Variants in DNMT3A observed in about 807,000 individuals in gnomAD.
DNMT3A encodes DNA methyltransferase 3 alpha.
In DNMT3A, 267 loss-of-function variants were observed where a neutral mutation model predicts 117.6. The ratio of observed to expected loss-of-function variants is 2.27; its 90% confidence interval spans 2.05 to 2.51. DNMT3A has a LOEUF of 2.51. DNMT3A is among the 30% of genes most tolerant of loss of function. The probability of loss-of-function intolerance (pLI) is 0.00; values close to 1 mark genes in which losing one functional copy is unlikely to be tolerated. For missense variants in DNMT3A, 1,029 were observed against 1,260.2 expected, an observed-to-expected ratio of 0.82 and a Z score of 2.78; for synonymous variants, 432 against 474.8, an observed-to-expected ratio of 0.91 and a Z score of 1.17.
rs1674072580 is a variant in DNMT3A, at chr2:25,241,709, TG to T, written c.1937-3del. 2 of 1,613,274 alleles carry T rather than the reference TG, an allele frequency of 1.2e-6. No individual in the cohort carries two copies. The highest frequency in any genetic ancestry group is 1.7e-6 in the Non-Finnish European group (2 of 1,179,766). ...CCAAGTCCTTCAGCACCAGGAGCCC[TG>T]CACCAGCCAGCAGACAGCACCGTTA... On this transcript the variant is annotated splice_polypyrimidine_tract_variant and splice_region_variant and intron_variant, in intron 16 of 22. Coordinates refer to ENST00000321117, the MANE Select transcript of DNMT3A (RefSeq NM_022552.5).
rs1204361758 is a variant in DNMT3A at position 25,275,102 on chromosome 2, C to T, written c.493-15G>A. ...CCCCGGGAGCCCTAGGACAGAGAGA[C>T]AGACATTAGGGCATTAGGGTGGGCA... On this transcript the variant is annotated splice_polypyrimidine_tract_variant and intron_variant, in intron 5 of 22. Transcript: ENST00000321117. 10 of 1,563,292 alleles carry T rather than the reference C, an allele frequency of 6.4e-6. No homozygotes were observed. The South Asian group carries it at 9.3e-5, about 15-fold the overall frequency.
intron 17 of DNMT3A, among the ~76,000 whole-genome samples, chr2:25,241,247 A>G (rs555164748): frequency 6.6e-6 from 1 of 152,350 alleles, no homozygotes; most frequent in East Asian, 1.9e-4. Context: ...CCCAGGGAGT[A>G]GCCAGAGCTC....
At chr2:25,309,979 C>A (rs1030598358) in intron 2 of DNMT3A, among the ~76,000 whole-genome samples, 3 of 152,142 alleles carry the variant, frequency 2.0e-5, no homozygotes, top group African/African-American at 7.2e-5. Flanking sequence ...TGGCGTGAAC[C>A]CGGGAGGCAG....
chr2:25,245,322 G>A lies in DNMT3A; in HGVS notation c.1485C>T (p.Ile495=), dbSNP rs1239086726. The change falls in exon 13 of 23, where the codon ATC becomes ATT. Residue 495 remains isoleucine, a synonymous_variant. Coordinates refer to ENST00000321117, the MANE Select transcript of DNMT3A (RefSeq NM_022552.5). ...QKCRNIEDIC[I]SCGSLNVTLE... ...GGGTAACATTGAGGCTCCCACAGGA[G>A]ATGCAGATGTCTGGAAAGCAGAGGG... 3.7e-6 allele frequency: 6 copies of A among 1,613,936 alleles called. No homozygotes were observed. The highest frequency in any genetic ancestry group is 3.3e-5 in the Admixed American group (2 of 60,022).
rs1673828416 is a variant in DNMT3A at position 25,240,310 on chromosome 2, A to G, written c.2314T>C (p.Phe772Leu). 6.2e-7 allele frequency: 1 copy of G among 1,614,164 alleles called. No individual in the cohort carries two copies. Residue 772 changes from phenylalanine to leucine, a missense_variant, in exon 19 of 23, where the codon TTT (phenylalanine) becomes CTT (leucine). Coordinates refer to ENST00000321117, the MANE Select transcript of DNMT3A (RefSeq NM_022552.5). ...GVSDKRDISR[F>L]LESNPVMIDA... ...AAGGTTGCTGGCTATACCTCGAGAA[A>G]TCGCGAGATGTCCCTCTTGTCACTA...
chr2:25,339,740 T>C lies in DNMT3A; in HGVS notation c.-178+2086A>G, dbSNP rs1040960517. On this transcript the variant is annotated intron_variant, in intron 1 of 22. Coordinates refer to ENST00000321117, the MANE Select transcript of DNMT3A (RefSeq NM_022552.5). The surrounding 1 kb of genome is among the most constrained non-coding windows in gnomAD (Gnocchi z 4.9). ...TCCAAAGGCAGGCAGCTCAGAAAAC[T>C]ACCTGGAGATGGCCCCTGCTAGCCA... Among the ~76,000 whole-genome samples, 4 of 152,160 alleles carry C rather than the reference T, an allele frequency of 2.6e-5. No homozygotes were observed. The highest frequency in any genetic ancestry group is 9.7e-5 in the African/African-American group (4 of 41,444).
chr2:25,318,686 CT>C (rs2149434750), intron 1 of DNMT3A, among the ~76,000 whole-genome samples: 1 of 149,498 alleles, frequency 6.7e-6, no homozygotes, highest in South Asian at 2.1e-4. Context: ...AAGACATTTT[CT>C]TTTTTCTTTT....
At chr2:25,317,760 A>G (rs1308966584) in intron 1 of DNMT3A, among the ~76,000 whole-genome samples, 4 of 152,134 alleles carry the variant, frequency 2.6e-5, no homozygotes, top group African/African-American at 9.7e-5. Flanking sequence ...TCTGAGATGG[A>G]GTTTCACTCC....
At chr2:25,340,390 C>T (rs1265864138) in intron 1 of DNMT3A, among the ~76,000 whole-genome samples, 2 of 152,122 alleles carry the variant, frequency 1.3e-5, no homozygotes, top group Non-Finnish European at 1.5e-5. Flanking sequence ...GAGGGTGCCC[C>T]CAAGAAGGGA....
chr2:25,314,377 C>T, intron 1 of DNMT3A: 1 of 985,336 alleles, frequency 1.0e-6, no homozygotes, highest in Non-Finnish European at 1.2e-6. Flanking sequence ...GCAGCAGTCT[C>T]CCCTCCGTGT....
At chr2:25,329,673 C>CCACACACACA (rs55905204) in intron 1 of DNMT3A, among the ~76,000 whole-genome samples, 1 of 138,392 alleles carries the variant, frequency 7.2e-6, no homozygotes, top group African/African-American at 3.1e-5. Flanking sequence ...CATGCAGACC[C>CCACACACACA]CACACACACA....
intron 12 of DNMT3A, 64 bp downstream of exon 12, chr2:25,245,956 G>A (rs967571230): frequency 1.9e-6 from 3 of 1,607,248 alleles, no homozygotes; most frequent in Non-Finnish European, 2.6e-6. Context: ...ACCTTCCTAA[G>A]TGCCTCTGCT....
rs770731520 is a variant in DNMT3A at position 25,275,547 on chromosome 2, T to C, written c.449-4A>G. 4.4e-6 allele frequency: 7 copies of C among 1,573,752 alleles called. No homozygotes were observed. The highest frequency in any genetic ancestry group is 6.0e-6 in the Non-Finnish European group (7 of 1,166,486). On this transcript the variant is annotated splice_polypyrimidine_tract_variant and splice_region_variant and intron_variant, in intron 4 of 22. Transcript: ENST00000321117. ...TTGGTCTCCTTCTGTTCTTTGCCTG[T>C]GGAGAGGGAAGAACAAAGGGACCAG...
Position 25,274,925 on chromosome 2 carries a change from C to A in DNMT3A, c.639+16G>T. The stretch of plus-strand genomic sequence containing the variant: ...TCTGCAGGACGGGCTGGGGCCCAGG[C>A]CAGAAGGCGCCTCACCTCCCTTTTC... On this transcript the variant is annotated intron_variant, in intron 6 of 22. Coordinates refer to ENST00000321117, the MANE Select transcript of DNMT3A (RefSeq NM_022552.5). 1 of 1,602,030 alleles carries A rather than the reference C, an allele frequency of 6.2e-7. No individual in the cohort carries two copies. Among genetic ancestry groups the A allele is most frequent in the Non-Finnish European group, 8.5e-7 (1 of 1,171,372 alleles).
At chr2:25,312,400 C>T (rs1229413551) in intron 2 of DNMT3A, among the ~76,000 whole-genome samples, 4 of 152,224 alleles carry the variant, frequency 2.6e-5, no homozygotes, top group Admixed American at 2.0e-4. Flanking sequence ...TGGGCCGCAG[C>T]GCATGCTGGC....
chr2:25,235,263 C>G (rs1046454184), intron 22 of DNMT3A, among the ~76,000 whole-genome samples: 2 of 151,996 alleles, frequency 1.3e-5, no homozygotes, highest in Admixed American at 1.3e-4. Flanking sequence ...CGGCTCACTG[C>G]AACCTCCACC....
At chr2:25,278,133 G>A (rs2031610470) in intron 4 of DNMT3A, among the ~76,000 whole-genome samples, 1 of 152,102 alleles carries the variant, frequency 6.6e-6, no homozygotes. Flanking sequence ...TACGGCCTAT[G>A]CAGCCCAACT....
intron 1 of DNMT3A, among the ~76,000 whole-genome samples, chr2:25,324,348 T>C (rs1009926413): frequency 3.3e-5 from 5 of 152,194 alleles, no homozygotes; most frequent in African/African-American, 1.2e-4. Context: ...CTCTCTAGGG[T>C]AGCACAGCTA....
At position 25,247,555 on chromosome 2, in the gene DNMT3A, C is replaced by A. The variant is rs754756909; in HGVS notation, c.1014+36G>T. 1.2e-6 allele frequency: 2 copies of A among 1,604,226 alleles called. No individual in the cohort carries two copies. The highest frequency in any genetic ancestry group is 1.7e-6 in the Non-Finnish European group (2 of 1,173,798). On this transcript the variant is annotated intron_variant, in intron 8 of 22. Coordinates refer to ENST00000321117, the MANE Select transcript of DNMT3A (RefSeq NM_022552.5). This position sits in a 1 kb window ranked among gnomAD's most constrained non-coding sequence, Gnocchi z 5.6. ...ACAGGCCCTGGGATCAAGAACCTTC[C>A]CCCACCCCAGGCTACTGCCAAACCC...
Sources: gnomAD v4.1 joint callset for allele counts (sites outside exome capture counted in the v4.1 genomes callset) on GRCh38, gnomAD v4.1.1 for gene constraint, Gnocchi (gnomAD v3.1) non-coding constraint, MANE v1.5 for transcripts, NCBI Gene and HGNC (gene_info 2026-07-23, HGNC 2026-07-21) for gene names.